Variants in PRKG1 observed in about 807,000 individuals in gnomAD.
PRKG1 encodes cGMP-dependent protein kinase 1.
PRKG1 carries 35 observed loss-of-function variants against 88.1 expected under a neutral mutation model. The observed-to-expected ratio is 0.40, with a 90% CI of 0.30 to 0.53. The LOEUF is 0.53. Ranked by LOEUF, PRKG1 falls within the 20% of genes least tolerant of loss-of-function variation. PRKG1 has a pLI of 0.59. For synonymous variants in PRKG1, 303 were observed against 292.5 expected (o/e 1.04, Z -0.37); for missense variants, 540 against 839.8 (o/e 0.64, Z 4.41).
In PRKG1 at chr10:51,541,113, A is replaced by G. The variant is rs1422367665; in HGVS notation, c.592+73277A>G. Among the ~76,000 whole-genome samples, 14 of 152,272 alleles carry G rather than the reference A, an allele frequency of 9.2e-5. No homozygotes were observed. In the South Asian group the frequency reaches 2.9e-3, roughly 32 times the overall value. ...CAGTTTCATGGAAGACAATTTTTCCACAGAGCAGGGTTGGGGTGGGGGATG... is the reference window on the plus strand; with the variant it reads ...CAGTTTCATGGAAGACAATTTTTCCGCAGAGCAGGGTTGGGGTGGGGGATG... On this transcript the variant is annotated intron_variant, in intron 3 of 17. Transcript: ENST00000373980.
intron 5 of PRKG1, among the ~76,000 whole-genome samples, chr10:51,926,811 T>G (rs999678465): frequency 4.0e-5 from 6 of 151,480 alleles, no homozygotes; most frequent in Non-Finnish European, 8.8e-5. Flanking sequence ...GCTCTAGAAG[T>G]TTTGCTTGCT....
In PRKG1 at chr10:51,822,100, C is replaced by CAT. The variant is rs971157799; in HGVS notation, c.698+17420_698+17421dup. 6.0e-5 allele frequency among the ~76,000 whole-genome samples: 9 copies of CAT among 151,092 alleles called. No individual in the cohort carries two copies. In the South Asian group the frequency reaches 6.3e-4, roughly 11 times the overall value. ...TAAAGAATATGTATATATATACACA[C>CAT]ATATATATATACACACATATATATA... On this transcript the variant is annotated intron_variant, in intron 4 of 17. Transcript: ENST00000373980.
chr10:51,541,868 G>A (rs1307233908), intron 3 of PRKG1, among the ~76,000 whole-genome samples: 2 of 151,998 alleles, frequency 1.3e-5, no homozygotes, highest in Admixed American at 1.3e-4. Flanking sequence ...TTAAAATAAT[G>A]TGCCTTATAA....
At chr10:51,182,735 G>C (rs896444996) in intron 2 of PRKG1, among the ~76,000 whole-genome samples, 1 of 152,200 alleles carries the variant, frequency 6.6e-6, no homozygotes, top group African/African-American at 2.4e-5. Context: ...CAGCAAGGCT[G>C]TCAGGTCTAG....
intron 3 of PRKG1, among the ~76,000 whole-genome samples, chr10:51,559,429 G>T (rs1426137470): frequency 1.3e-5 from 2 of 151,996 alleles, no homozygotes; most frequent in African/African-American, 4.8e-5. Context: ...AAGTCAAAAG[G>T]CATTATTAGT....
chr10:51,738,974 T>G (rs1296898326), intron 3 of PRKG1, among the ~76,000 whole-genome samples: 4 of 152,200 alleles, frequency 2.6e-5, no homozygotes, highest in Admixed American at 6.5e-5. Flanking sequence ...TAGATGTGCA[T>G]TCTATGTAGG....
At chr10:51,302,795 C>T (rs1840927500) in intron 2 of PRKG1, 1 of 152,106 alleles carries the variant, frequency 6.6e-6, no homozygotes, top group Non-Finnish European at 1.5e-5. Flanking sequence ...GGAGCATATG[C>T]TGTACATATG....
At chr10:52,259,654 C>A (rs557394211) in intron 10 of PRKG1, among the ~76,000 whole-genome samples, 1 of 152,212 alleles carries the variant, frequency 6.6e-6, no homozygotes, top group South Asian at 2.1e-4. Flanking sequence ...TTCTTAGTCT[C>A]TAGCTCCAGC....
At chr10:51,910,880 C>A (rs775971282) in intron 5 of PRKG1, 1 of 152,142 alleles carries the variant, frequency 6.6e-6, no homozygotes, top group Non-Finnish European at 1.5e-5. Flanking sequence ...GACTTTTAGT[C>A]TCATGAGGTT....
intron 2 of PRKG1, among the ~76,000 whole-genome samples, chr10:51,457,441 G>A (rs293280): frequency 0.56 from 85,150 of 151,942 alleles, 25,312 homozygotes; most frequent in African/African-American, 0.75. Context: ...GGGGAAAGGC[G>A]GGAAGGAATA....
At chr10:51,803,243 A>T (rs983037086) in intron 3 of PRKG1, among the ~76,000 whole-genome samples, 1 of 152,092 alleles carries the variant, frequency 6.6e-6, no homozygotes, top group Non-Finnish European at 1.5e-5. Context: ...TGTCATTTGT[A>T]AAAAAACATT....
At chr10:52,229,019 CAT>C (rs1173231382) in intron 9 of PRKG1, among the ~76,000 whole-genome samples, 1 of 152,162 alleles carries the variant, frequency 6.6e-6, no homozygotes, top group Non-Finnish European at 1.5e-5. Flanking sequence ...AATAAACTCA[CAT>C]GACATGATGA....
intron 4 of PRKG1, among the ~76,000 whole-genome samples, chr10:51,850,556 C>A (rs1197331335): frequency 6.6e-6 from 1 of 151,606 alleles, no homozygotes; most frequent in Non-Finnish European, 1.5e-5. Context: ...TCAGCAAAAC[C>A]AGAAGGCCAA....
chr10:51,552,580 T>A (rs1013642697), intron 3 of PRKG1, among the ~76,000 whole-genome samples: 2 of 151,622 alleles, frequency 1.3e-5, no homozygotes, highest in African/African-American at 4.8e-5. Flanking sequence ...TTTAAGAAAA[T>A]GTCCTGAAAA....
At chr10:51,069,128 C>G (rs374615635) in intron 1 of PRKG1, among the ~76,000 whole-genome samples, 204 of 151,992 alleles carry the variant, frequency 1.3e-3, no homozygotes, top group African/African-American at 4.7e-3. Flanking sequence ...ATTCATTTCA[C>G]CTAATATTAA....
At chr10:51,408,852 C>T (rs1814301859) in intron 2 of PRKG1, among the ~76,000 whole-genome samples, 1 of 152,198 alleles carries the variant, frequency 6.6e-6, no homozygotes, top group Non-Finnish European at 1.5e-5. Context: ...TCCTCTTCTG[C>T]TGAGGTCATC....
intron 4 of PRKG1, among the ~76,000 whole-genome samples, chr10:51,846,288 A>G (rs1185231504): frequency 1.3e-5 from 2 of 152,202 alleles, no homozygotes; most frequent in Non-Finnish European, 2.9e-5. Context: ...CTGATGAAGA[A>G]CTAACAAACA....
intron 2 of PRKG1, among the ~76,000 whole-genome samples, chr10:51,359,307 C>A (rs913731175): frequency 6.6e-6 from 1 of 151,762 alleles, no homozygotes; most frequent in Non-Finnish European, 1.5e-5. Flanking sequence ...TATGGTTAGA[C>A]CTCTTTAGCC....
chr10:51,459,110 GC>G (rs1839672116), intron 2 of PRKG1, among the ~76,000 whole-genome samples: 1 of 151,930 alleles, frequency 6.6e-6, no homozygotes, highest in African/African-American at 2.4e-5. Flanking sequence ...CAAATCTCCT[GC>G]CTTTTAACTT....
Sources: gnomAD v4.1 joint callset for allele counts (sites outside exome capture counted in the v4.1 genomes callset) on GRCh38, gnomAD v4.1.1 for gene constraint, MANE v1.5 for transcripts, NCBI Gene and HGNC (gene_info 2026-07-23, HGNC 2026-07-21) for gene names.